The following DCAF1 variants were observed in gnomAD, a reference collection of about 807,000 sequenced individuals.
DCAF1 encodes DDB1 and CUL4 associated factor 1, also known as DDB1- and CUL4-associated factor 1.
Under a neutral mutation model 128.0 loss-of-function variants are expected in DCAF1, and 15 were observed. That is an observed-to-expected ratio of 0.12 (90% CI 0.08 to 0.18). DCAF1 has a LOEUF of 0.18. Ranked by LOEUF, DCAF1 falls within the 10% of genes least tolerant of loss-of-function variation. The pLI, the probability that DCAF1 is intolerant of heterozygous loss-of-function variation, is 1.00. For missense variants in DCAF1, 988 were observed against 1,649.5 expected (o/e 0.60, Z 6.95); for synonymous variants, 610 against 603.0 (o/e 1.01, Z -0.17).
chr3:51,446,114 C>T (rs928634701), intron 6 of DCAF1, among the ~76,000 whole-genome samples: 15 of 151,798 alleles, frequency 9.9e-5, no homozygotes, highest in Middle Eastern at 6.8e-3. Context: ...CTGCCTTGGC[C>T]TCCCGAGTAG....
At chr3:51,429,586 C>G in intron 11 of DCAF1, 116 bp from the exon 12 acceptor site, 1 of 650,624 alleles carries the variant, frequency 1.5e-6, no homozygotes, top group Non-Finnish European at 2.8e-6. Flanking sequence ...CATACATATT[C>G]TGCTTATGTA....
At chr3:51,437,686 G>A (rs939830383) in intron 9 of DCAF1, among the ~76,000 whole-genome samples, 7 of 151,830 alleles carry the variant, frequency 4.6e-5, no homozygotes, top group African/African-American at 7.3e-5. Flanking sequence ...AGGGTGGTGC[G>A]CACCTGCAGT....
chr3:51,497,797 C>T (rs1553661943), intron 1 of DCAF1, among the ~76,000 whole-genome samples: 1 of 151,926 alleles, frequency 6.6e-6, no homozygotes, highest in African/African-American at 2.4e-5. Flanking sequence ...GCAGCAGGCT[C>T]CTTTGAGCCC....
rs782567505 is a variant in DCAF1, at chr3:51,420,481, G to A, written c.2489C>T (p.Ala830Val). 5.6e-6 allele frequency: 9 copies of A among 1,614,000 alleles called. No individual in the cohort carries two copies. The highest frequency in any genetic ancestry group is 7.6e-6 in the Non-Finnish European group (9 of 1,179,890). Residue 830 changes from alanine (A) to valine (V), a missense_variant, in exon 15 of 25, where the codon GCA (alanine) becomes GTA (valine). Transcript: ENST00000684031. This position sits in a 1 kb window ranked among gnomAD's most constrained non-coding sequence, Gnocchi z 6.5. ...AACAACATCTGCTTTCTGCAGTCGTGCTAGGGAAACATCAGTGCCAATGAG... is the reference window on the plus strand; with the variant it reads ...AACAACATCTGCTTTCTGCAGTCGTACTAGGGAAACATCAGTGCCAATGAG... The part of the protein sequence containing the change: ...PLLIGTDVSL[A>V]RLQKADVVAQ...
chr3:51,420,669 G>A lies in DCAF1; in HGVS notation c.2301C>T (p.Arg767=), dbSNP rs1553632240. The A allele has an allele frequency of 6.2e-7, 1 of 1,614,080 alleles. No homozygotes were observed. Among genetic ancestry groups the A allele is most frequent in the East Asian group, 2.2e-5 (1 of 44,884 alleles). Residue 767 remains arginine, a synonymous_variant, in exon 15 of 25, where the codon CGC becomes CGT. Transcript: ENST00000684031. This position sits in a 1 kb window ranked among gnomAD's most constrained non-coding sequence, Gnocchi z 6.5. The stretch of plus-strand genomic sequence containing the variant: ...TGATGATCTGCCGGACAGTGCTACT[G>A]CGAGACAGGCCCACTAGGGCTTTGC... The part of the protein sequence containing the change: ...LACKALVGLS[R]SSTVRQIISK...
intron 1 of DCAF1, among the ~76,000 whole-genome samples, chr3:51,498,223 G>T (rs1708451520): frequency 6.6e-6 from 1 of 151,118 alleles, no homozygotes; most frequent in Non-Finnish European, 1.5e-5. Context: ...ATCCGGGCGT[G>T]GTGGCGCGTG....
intron 6 of DCAF1, among the ~76,000 whole-genome samples, chr3:51,447,400 A>C (rs999044578): frequency 9.9e-5 from 15 of 152,174 alleles, no homozygotes; most frequent in Non-Finnish European, 1.8e-4. Flanking sequence ...ACAGAGCAAG[A>C]CTGTCTCTCA....
chr3:51,467,702 T>C (rs1238043307), intron 4 of DCAF1, among the ~76,000 whole-genome samples: 1 of 151,926 alleles, frequency 6.6e-6, no homozygotes, highest in Admixed American at 6.6e-5. Context: ...ACGTAAAAAC[T>C]TGAGACACTG....
At position 51,414,650 on chromosome 3, in the gene DCAF1, G is replaced by A. The variant is rs533430116; in HGVS notation, c.3811C>T (p.Leu1271=). Residue 1271 remains leucine, a synonymous_variant, in exon 19 of 25, where the codon CTG becomes TTG. Transcript: ENST00000684031. ...ATCTCAGTATTAATGATCACCTCCA[G>A]TCCATTTGGATGGAAAACACCACTG... is the stretch of plus-strand genomic sequence containing the variant. ...NISGVFHPNG[L]EVIINTEIWD... 3.7e-5 allele frequency: 60 copies of A among 1,614,030 alleles called. 1 individual carries two copies. In the South Asian group the frequency reaches 6.1e-4, roughly 17 times the overall value.
intron 16 of DCAF1, among the ~76,000 whole-genome samples, chr3:51,418,425 G>A (rs1014736652): frequency 1.3e-5 from 2 of 152,092 alleles, no homozygotes; most frequent in Non-Finnish European, 2.9e-5. Context: ...AAATCCTACT[G>A]AACTAGCCAC....
rs1699291043 is a variant in DCAF1 at position 51,420,391 on chromosome 3, G to A, written c.2579C>T (p.Ser860Phe). 1 of 1,614,050 alleles carries A rather than the reference G, an allele frequency of 6.2e-7. No individual in the cohort carries two copies. Among genetic ancestry groups the A allele is most frequent in the Non-Finnish European group, 8.5e-7 (1 of 1,179,906 alleles). Residue 860 changes from serine to phenylalanine, a missense_variant, in exon 15 of 25, where the codon TCT (serine) becomes TTT (phenylalanine). This residue lies in a region of DCAF1 where 76 missense variants were observed against 186.9 expected (regional missense o/e 0.41). Coordinates refer to ENST00000684031, the MANE Select transcript of DCAF1 (RefSeq NM_001387579.1). This position sits in a 1 kb window ranked among gnomAD's most constrained non-coding sequence, Gnocchi z 6.5. Reference protein sequence around the residue: ...LLLLIRNHLISKGLGETATVL... With the variant: ...LLLLIRNHLIFKGLGETATVL... ...GGTTGCTGTTTCTCCAAGCCCTTTAGAAATAAGATGGTTTCGTATCAACAA... is the reference window on the plus strand; with the variant it reads ...GGTTGCTGTTTCTCCAAGCCCTTTAAAAATAAGATGGTTTCGTATCAACAA...
chr3:51,414,296 C>T (rs1553629574), intron 19 of DCAF1, among the ~76,000 whole-genome samples: 1 of 152,204 alleles, frequency 6.6e-6, no homozygotes, highest in Non-Finnish European at 1.5e-5. Context: ...TCATTTTCCT[C>T]TTATGTGGCA....
intron 13 of DCAF1, among the ~76,000 whole-genome samples, chr3:51,426,214 A>G (rs1445890108): frequency 6.7e-6 from 1 of 150,236 alleles, no homozygotes; most frequent in Non-Finnish European, 1.5e-5. Flanking sequence ...CAATGGGTTC[A>G]CTTTTTTTTT....
intron 23 of DCAF1, among the ~76,000 whole-genome samples, chr3:51,405,187 TA>T (rs1446291156): frequency 6.6e-6 from 1 of 152,192 alleles, no homozygotes; most frequent in African/African-American, 2.4e-5. Flanking sequence ...ATAGCACAAC[TA>T]AAGGTCCACG....
Position 51,429,268 on chromosome 3 carries a change from G to C in DCAF1, c.1670C>G (p.Pro557Arg). 2.6e-6 allele frequency: 2 copies of C among 776,566 alleles called. No individual in the cohort carries two copies. Among genetic ancestry groups the C allele is most frequent in the South Asian group, 1.4e-5 (1 of 73,924 alleles). The allele number at this position is 776,566 out of a possible 1,614,324, so 48.1% of individuals were successfully genotyped here. A position where few individuals can be genotyped will look rare whatever the true frequency, so the allele number is the denominator to read the frequency against. Reference protein sequence around the residue: ...EGGILVHPQPPYKACSYTHEQ... With the variant: ...EGGILVHPQPRYKACSYTHEQ... Reference sequence around the variant, plus strand: ...AAGGCAAGGTCCTCTCACCTTGTACGGGGGTTGTGGGTGGACAAGAATGCC... The same window carrying C: ...AAGGCAAGGTCCTCTCACCTTGTACCGGGGTTGTGGGTGGACAAGAATGCC... The change falls in exon 12 of 25, where the codon CCG becomes CGG. Residue 557 changes from proline (P) to arginine (R), a missense_variant. Pro to Arg is a moderately radical substitution (Grantham distance 103). This residue lies in a region of DCAF1 where 185 missense variants were observed against 248.1 expected (regional missense o/e 0.75). Transcript: ENST00000684031.
intron 3 of DCAF1, 76 bp downstream of exon 3, chr3:51,483,643 G>GTGTA: frequency 1.1e-6 from 1 of 913,956 alleles, no homozygotes; most frequent in Non-Finnish European, 1.8e-6. Flanking sequence ...GTGTGTGTGT[G>GTGTA]TGTATGAAGA....
At chr3:51,433,655 G>T (rs893363706) in intron 9 of DCAF1, among the ~76,000 whole-genome samples, 15 of 151,358 alleles carry the variant, frequency 9.9e-5, no homozygotes, top group Non-Finnish European at 2.9e-5. Context: ...TAGAGACGGG[G>T]TTTCACCATG....
At chr3:51,468,637 AAAAG>A (rs782405196) in intron 4 of DCAF1, among the ~76,000 whole-genome samples, 21 of 152,248 alleles carry the variant, frequency 1.4e-4, no homozygotes, top group East Asian at 3.9e-4. Flanking sequence ...GTAATTCACA[AAAAG>A]AAAGAAACAT....
chr3:51,451,692 G>A (rs907103539), intron 6 of DCAF1, among the ~76,000 whole-genome samples: 1 of 151,336 alleles, frequency 6.6e-6, no homozygotes, highest in African/African-American at 2.4e-5. Context: ...AACCTGGGAG[G>A]CAGAGGTTGC....
Sources: gnomAD v4.1 joint callset for allele counts (sites outside exome capture counted in the v4.1 genomes callset) on GRCh38, gnomAD v4.1.1 for gene constraint, gnomAD v4.1.1 regional missense constraint, Gnocchi (gnomAD v3.1) non-coding constraint, MANE v1.5 for transcripts, NCBI Gene and HGNC (gene_info 2026-07-23, HGNC 2026-07-21) for gene names.